Variants in PKHD1 observed in about 807,000 individuals in gnomAD.
PKHD1 encodes the protein PKHD1 ciliary IPT domain containing fibrocystin/polyductin.
PKHD1 carries 291 observed loss-of-function variants against 412.0 expected under a neutral mutation model. The ratio of observed to expected loss-of-function variants is 0.71; its 90% CI spans 0.64 to 0.78. The LOEUF (loss-of-function observed/expected upper bound fraction) is 0.78, where lower values mean the gene tolerates loss of function less well. Ranked by LOEUF, PKHD1 falls within the 30% of genes least tolerant of loss-of-function variation. The pLI, the probability that PKHD1 is intolerant of heterozygous loss-of-function variation, is 0.00. For missense variants in PKHD1, 4,825 were observed against 4,950.7 expected (o/e 0.97, Z 0.76); for synonymous variants, 1,777 against 1,821.5 (o/e 0.98, Z 0.62).
intron 52 of PKHD1, among the ~76,000 whole-genome samples, chr6:51,818,532 A>G (rs766704672): frequency 6.6e-6 from 1 of 152,170 alleles, no homozygotes; most frequent in Non-Finnish European, 1.5e-5. Flanking sequence ...CCCTCTTGCG[A>G]TCATTTCCCT....
chr6:51,849,158 T>C (rs1771736885), intron 49 of PKHD1, among the ~76,000 whole-genome samples: 1 of 152,076 alleles, frequency 6.6e-6, no homozygotes, highest in African/African-American at 2.4e-5. Flanking sequence ...CAGTGTTTGG[T>C]TTTCTATTCC....
chr6:52,024,687 G>T lies in PKHD1; in HGVS notation c.5123C>A (p.Ser1708Tyr), dbSNP rs759619749. Residue 1708 changes from serine to tyrosine, a missense_variant, in exon 32 of 67, where the codon TCC becomes TAC. Ser to Tyr is a moderately radical substitution (Grantham distance 144, BLOSUM62 -2). Transcript: ENST00000371117. ...GACGTGGTACTCCCCGGCCGGAAGG[G>T]AAGGGACCACGCACTGAAGAACGGT... ...NHTVLQCVVP[S>Y]LPAGEYHVRG... is the part of the protein sequence containing the mutation. 5 of 1,614,098 alleles carry T rather than the reference G, an allele frequency of 3.1e-6. No homozygotes were observed. Among genetic ancestry groups the T allele is most frequent in the Non-Finnish European group, 4.2e-6 (5 of 1,180,044 alleles).
At chr6:52,008,832 G>A (rs139809914) in intron 35 of PKHD1, among the ~76,000 whole-genome samples, 1 of 152,250 alleles carries the variant, frequency 6.6e-6, no homozygotes, top group Non-Finnish European at 1.5e-5. Context: ...CAAGAAGCAA[G>A]TGATGTATTC....
At position 52,065,004 on chromosome 6, in the gene PKHD1, G is replaced by T; in HGVS notation, c.927C>A (p.Cys309Ter). 6.2e-7 allele frequency: 1 copy of T among 1,603,724 alleles called. No individual in the cohort carries two copies. The change falls in exon 13 of 67, where the codon TGC (cysteine) becomes TGA (stop). Residue 309 changes from cysteine (C) to a stop codon, truncating the protein, a stop_gained. Coordinates refer to ENST00000371117, the MANE Select transcript of PKHD1 (RefSeq NM_138694.4). LOFTEE classifies it high-confidence loss of function. ...CATCTTTTCCTGGAGCCCGAGTGGT[G>T]CACTCAATCTTCCTGGGAGACACGT... ...IRHVSPRKIE[C>*]TTRAPGKDVR...
At chr6:51,679,434 C>CTT (rs58667694) in intron 60 of PKHD1, among the ~76,000 whole-genome samples, 1 of 143,686 alleles carries the variant, frequency 7.0e-6, no homozygotes, top group South Asian at 2.2e-4. Flanking sequence ...TCCACTAGGA[C>CTT]TTTTTTTTTT....
At chr6:51,836,572 C>T in intron 50 of PKHD1, 103 bp from the exon 51 acceptor site, 1 of 833,750 alleles carries the variant, frequency 1.2e-6, no homozygotes. Flanking sequence ...TTCTAGTTGC[C>T]TAAATTTTCA....
chr6:52,067,896 A>G (rs1423267409), intron 11 of PKHD1, among the ~76,000 whole-genome samples: 1 of 152,168 alleles, frequency 6.6e-6, no homozygotes. Context: ...TGCTTGATGT[A>G]GAGAAAGCCA....
intron 52 of PKHD1, among the ~76,000 whole-genome samples, chr6:51,792,019 C>T (rs1793837570): frequency 6.6e-6 from 1 of 152,144 alleles, no homozygotes; most frequent in East Asian, 1.9e-4. Context: ...TTAATAAACG[C>T]TTGATGTTAT....
At chr6:51,794,026 C>T (rs1264427233) in intron 52 of PKHD1, among the ~76,000 whole-genome samples, 1 of 150,060 alleles carries the variant, frequency 6.7e-6, no homozygotes, top group African/African-American at 2.4e-5. Flanking sequence ...CACAACCTTA[C>T]CAGCATCTGT....
rs752973353 is a variant in PKHD1, at chr6:51,753,340, G to A, written c.8811C>T (p.Val2937=). 2.5e-6 allele frequency: 4 copies of A among 1,613,418 alleles called. No individual in the cohort carries two copies. The African/African-American group carries it at 4.0e-5, about 16-fold the overall frequency. The change falls in exon 57 of 67, where the codon GTC becomes GTT. Residue 2937 remains valine, a synonymous_variant. Coordinates refer to ENST00000371117, the MANE Select transcript of PKHD1 (RefSeq NM_138694.4). The stretch of plus-strand genomic sequence containing the variant: ...AACGAATGTGTCGGCCATCCTCCGT[G>A]ACATGTACACTTCCTGGGGCAATAG... The part of the protein sequence containing the change: ...LKHRHIGSVH[V]TEDGRHIRLA...
At chr6:51,982,298 T>A (rs1401305663) in intron 35 of PKHD1, among the ~76,000 whole-genome samples, 5 of 66,112 alleles carry the variant, frequency 7.6e-5, no homozygotes, top group African/African-American at 1.8e-4. Context: ...CACGACCCCG[T>A]CTGGGAGGTG....
chr6:51,960,426 G>A (rs1791836546), intron 35 of PKHD1, among the ~76,000 whole-genome samples: 1 of 152,024 alleles, frequency 6.6e-6, no homozygotes, highest in Non-Finnish European at 1.5e-5. Context: ...TTACAGATAT[G>A]TATTGAATCT....
intron 60 of PKHD1, among the ~76,000 whole-genome samples, chr6:51,714,991 TA>T (rs2150783866): frequency 6.6e-6 from 1 of 151,938 alleles, no homozygotes; most frequent in African/African-American, 2.4e-5. Flanking sequence ...CAAATTCCAA[TA>T]AAATATTGGA....
At chr6:51,647,829 T>C (rs1423229053) in intron 63 of PKHD1, among the ~76,000 whole-genome samples, 1 of 152,112 alleles carries the variant, frequency 6.6e-6, no homozygotes, top group Non-Finnish European at 1.5e-5. Context: ...AGAGAAAAAG[T>C]GGTGACTTTA....
chr6:51,884,657 C>A (rs908185987), intron 45 of PKHD1, among the ~76,000 whole-genome samples: 2 of 151,782 alleles, frequency 1.3e-5, no homozygotes, highest in Admixed American at 1.3e-4. Context: ...GTATTTTTTT[C>A]CTTCATAGGT....
At chr6:51,832,080 G>T (rs970239014) in intron 51 of PKHD1, among the ~76,000 whole-genome samples, 1 of 152,058 alleles carries the variant, frequency 6.6e-6, no homozygotes, top group Non-Finnish European at 1.5e-5. Flanking sequence ...TATTAGAACT[G>T]CCCTTAAAAA....
intron 38 of PKHD1, 23 bp from the exon 39 acceptor site, chr6:51,911,979 A>G (rs778440406): frequency 2.5e-6 from 4 of 1,586,528 alleles, no homozygotes; most frequent in Non-Finnish European, 3.5e-6. Flanking sequence ...AGAGGATGAT[A>G]GAACTGAGGA....
intron 35 of PKHD1, among the ~76,000 whole-genome samples, chr6:51,981,551 G>A (rs868694440): frequency 0.055 from 6,879 of 125,136 alleles, no homozygotes; most frequent in East Asian, 0.096. Context: ...GCTCCTAGCC[G>A]CGAGTGATCC....
chr6:51,738,902 C>T (rs931520019), intron 60 of PKHD1, among the ~76,000 whole-genome samples: 12 of 151,956 alleles, frequency 7.9e-5, no homozygotes, highest in Non-Finnish European at 1.3e-4. Context: ...TTTCAAATAG[C>T]AATTCGCCTG....
Sources: allele counts gnomAD v4.1 joint callset (sites outside exome capture counted in the v4.1 genomes callset), GRCh38; gene constraint gnomAD v4.1.1; transcripts MANE v1.5; gene names NCBI Gene and HGNC (gene_info 2026-07-23, HGNC 2026-07-21).